Variants in DNMBP observed in about 807,000 individuals in gnomAD.
DNMBP encodes the protein dynamin-binding protein.
Under a neutral mutation model 150.0 loss-of-function variants are expected in DNMBP, and 87 were observed. The observed-to-expected ratio is 0.58, with a 90% CI of 0.49 to 0.69. DNMBP has a LOEUF of 0.69. Among genes scored for constraint, DNMBP ranks in the 30% least tolerant of loss-of-function variants. DNMBP has a pLI of 0.00. For synonymous variants in DNMBP, 711 were observed against 750.4 expected, an observed-to-expected ratio of 0.95 and a Z score of 0.86; for missense variants, 1,774 against 1,949.0, an observed-to-expected ratio of 0.91 and a Z score of 1.69.
At chr10:99,893,727 G>A (rs1026951153) in intron 11 of DNMBP, among the ~76,000 whole-genome samples, 1 of 151,990 alleles carries the variant, frequency 6.6e-6, no homozygotes, top group Non-Finnish European at 1.5e-5. Flanking sequence ...CTGTCTCAAA[G>A]GAAAAAAGAA....
At chr10:99,880,402 G>A in intron 15 of DNMBP, 41 bp from the exon 16 acceptor site, 2 of 1,504,006 alleles carry the variant, frequency 1.3e-6, no homozygotes, top group Non-Finnish European at 1.8e-6. Context: ...ACTCTTAGCA[G>A]AAGGCTGGAC....
chr10:99,994,482 A>G (rs1040453411), intron 1 of DNMBP, among the ~76,000 whole-genome samples: 5 of 152,156 alleles, frequency 3.3e-5, no homozygotes, highest in African/African-American at 1.2e-4. Flanking sequence ...GGCGGGGCCA[A>G]CTTCTCAAAA....
intron 1 of DNMBP, among the ~76,000 whole-genome samples, chr10:99,998,574 C>T (rs746930914): frequency 9.8e-4 from 116 of 118,898 alleles, no homozygotes; most frequent in Non-Finnish European, 1.6e-3. Context: ...AGTGAGACTC[C>T]GTCTCAAAAA....
chr10:99,880,511 G>A, intron 15 of DNMBP, 150 bp from the exon 16 acceptor site: 1 of 1,114,204 alleles, frequency 9.0e-7, no homozygotes, highest in Non-Finnish European at 1.2e-6. Flanking sequence ...AATAGTGAGA[G>A]ACACAAAATA....
At chr10:99,879,183 G>A (rs889697206) in intron 16 of DNMBP, among the ~76,000 whole-genome samples, 1 of 151,980 alleles carries the variant, frequency 6.6e-6, no homozygotes, top group African/African-American at 2.4e-5. Context: ...GAAAAACTGG[G>A]GCTGGGCACA....
At chr10:99,970,871 C>T (rs1465212003) in intron 2 of DNMBP, among the ~76,000 whole-genome samples, 1 of 145,474 alleles carries the variant, frequency 6.9e-6, no homozygotes, top group Non-Finnish European at 1.5e-5. Context: ...ACTCCGGAGG[C>T]TGAGGCAGGA....
intron 1 of DNMBP, among the ~76,000 whole-genome samples, chr10:99,994,944 G>C (rs1232742710): frequency 6.6e-6 from 1 of 152,110 alleles, no homozygotes; most frequent in Non-Finnish European, 1.5e-5. Context: ...TGTTTAAAGA[G>C]ACAGGGTCTT....
intron 4 of DNMBP, among the ~76,000 whole-genome samples, chr10:99,951,028 G>C (rs1243466782): frequency 6.6e-6 from 1 of 152,224 alleles, no homozygotes; most frequent in Non-Finnish European, 1.5e-5. Flanking sequence ...CCTGGGCTGT[G>C]CCCAGGATCA....
intron 1 of DNMBP, among the ~76,000 whole-genome samples, chr10:99,980,227 C>T (rs182741470): frequency 5.9e-4 from 89 of 152,090 alleles, no homozygotes; most frequent in Middle Eastern, 6.8e-3. Context: ...GGCGGATCAT[C>T]CGAGGTCAGG....
At chr10:99,927,941 C>A (rs181166448) in intron 4 of DNMBP, among the ~76,000 whole-genome samples, 65 of 152,160 alleles carry the variant, frequency 4.3e-4, no homozygotes, top group African/African-American at 1.4e-3. Context: ...CAAAGTTCAC[C>A]AAAGGAACAG....
intron 4 of DNMBP, among the ~76,000 whole-genome samples, chr10:99,950,383 G>T (rs1415890097): frequency 1.3e-5 from 2 of 152,162 alleles, no homozygotes; most frequent in Non-Finnish European, 2.9e-5. Context: ...GTAAAGCGGG[G>T]CACTGCTTAA....
chr10:99,947,517 A>C (rs916424810), intron 4 of DNMBP, among the ~76,000 whole-genome samples: 3 of 150,670 alleles, frequency 2.0e-5, no homozygotes, highest in African/African-American at 7.3e-5. Context: ...CACTGGGTAC[A>C]CATGGACATA....
intron 1 of DNMBP, among the ~76,000 whole-genome samples, chr10:99,976,074 T>C (rs1017979384): frequency 1.3e-5 from 2 of 152,178 alleles, no homozygotes; most frequent in Non-Finnish European, 2.9e-5. Context: ...CTCCAAAGCC[T>C]TAACCAGTAT....
intron 4 of DNMBP, among the ~76,000 whole-genome samples, chr10:99,939,489 A>G (rs560579029): frequency 1.6e-4 from 24 of 152,268 alleles, no homozygotes; most frequent in Non-Finnish European, 2.4e-4. Flanking sequence ...AATGAAAGAG[A>G]TTGGATCTAA....
chr10:99,980,998 A>G (rs1564753202), intron 1 of DNMBP, among the ~76,000 whole-genome samples: 2 of 152,270 alleles, frequency 1.3e-5, no homozygotes, highest in East Asian at 3.9e-4. Context: ...AAGATAAAAA[A>G]AGTTCTGGAG....
At chr10:99,893,927 G>A (rs1564720873) in intron 11 of DNMBP, among the ~76,000 whole-genome samples, 1 of 152,032 alleles carries the variant, frequency 6.6e-6, no homozygotes, top group Non-Finnish European at 1.5e-5. Flanking sequence ...TAGCCCTTTG[G>A]TACCTTTAAA....
chr10:99,900,127 G>T (rs893573784), intron 6 of DNMBP, 61 bp from the exon 7 acceptor site: 37 of 1,585,072 alleles, frequency 2.3e-5, no homozygotes, highest in Non-Finnish European at 2.8e-5. Context: ...TATACTAAAT[G>T]TAAGGTACAC....
At chr10:99,903,426 G>T (rs1393256464) in intron 6 of DNMBP, among the ~76,000 whole-genome samples, 1 of 151,738 alleles carries the variant, frequency 6.6e-6, no homozygotes, top group African/African-American at 2.4e-5. Flanking sequence ...TTGACCTCCT[G>T]AGCTCAAGCA....
At chr10:99,971,503 CTTTATT>C (rs1324868790) in intron 2 of DNMBP, among the ~76,000 whole-genome samples, 10 of 148,246 alleles carry the variant, frequency 6.7e-5, no homozygotes, top group Non-Finnish European at 1.2e-4. Context: ...CATGCCCAGC[CTTTATT>C]TTTATTTTTA....
Sources: allele counts gnomAD v4.1 joint callset (sites outside exome capture counted in the v4.1 genomes callset), GRCh38; gene constraint gnomAD v4.1.1; transcripts MANE v1.5; gene names NCBI Gene and HGNC (gene_info 2026-07-23, HGNC 2026-07-21).